The following APOOL variants were observed in gnomAD, a reference collection of about 807,000 sequenced individuals.
APOOL encodes MICOS complex subunit MIC27.
Under a neutral mutation model 23.1 loss-of-function variants are expected in APOOL, and 12 were observed. The observed-to-expected ratio is 0.52, with a 90% CI of 0.33 to 0.84. APOOL has a LOEUF of 0.84. Ranked by LOEUF, APOOL falls within the 40% of genes least tolerant of loss-of-function variation. APOOL has a pLI of 0.02. For synonymous variants in APOOL, 77 were observed against 69.9 expected, an observed-to-expected ratio of 1.10 and a Z score of -0.51; for missense variants, 212 against 199.6, an observed-to-expected ratio of 1.06 and a Z score of -0.37.
At chrX:85,054,291 T>C in intron 3 of APOOL, 53 bp from the exon 4 acceptor site, 1 of 1,090,045 alleles carries the variant, frequency 9.2e-7, no homozygotes, top group Non-Finnish European at 1.2e-6. Context: ...TTTTATCTCA[T>C]TATCAACAGC....
In APOOL at chrX:85,040,708, T is replaced by C. The variant is rs182148991; in HGVS notation, c.16-5738T>C. ...GTACTTCTGATTATATTATGAAATT[T>C]TTACAGTACATTTTTTCGGTTCTTT... On this transcript the variant is annotated intron_variant, in intron 1 of 8. Coordinates refer to ENST00000373173, the MANE Select transcript of APOOL (RefSeq NM_198450.6). Among the ~76,000 whole-genome samples the C allele has an allele frequency of 5.9e-3, 664 of 112,169 alleles. 5 individuals are homozygous for C. Among genetic ancestry groups the C allele is most frequent in the African/African-American group, 0.02 (628 of 30,928 alleles).
intron 5 of APOOL, among the ~76,000 whole-genome samples, chrX:85,057,530 G>A (rs1454790816): frequency 9.6e-6 from 1 of 104,580 alleles, no homozygotes; most frequent in African/African-American, 3.4e-5. Context: ...ATATATGAGA[G>A]GATGCTAGAA....
intron 5 of APOOL, among the ~76,000 whole-genome samples, chrX:85,060,169 TCA>T (rs1225766309): frequency 9.3e-6 from 1 of 107,196 alleles, no homozygotes. Context: ...CTCAGGTTTG[TCA>T]AAGATCAGAT....
chrX:85,013,800 T>G (rs1921369493), intron 1 of APOOL, among the ~76,000 whole-genome samples: 1 of 111,871 alleles, frequency 8.9e-6, no homozygotes, highest in Non-Finnish European at 1.9e-5. Flanking sequence ...TCTGCAGTTT[T>G]GGGGTAATAA....
At chrX:85,042,145 A>G (rs887298787) in intron 1 of APOOL, among the ~76,000 whole-genome samples, 3 of 112,172 alleles carry the variant, frequency 2.7e-5, no homozygotes, top group African/African-American at 9.7e-5. Context: ...GAAGAAAATA[A>G]TACAAAAGAT....
chrX:85,058,614 G>A (rs948565280), intron 5 of APOOL, among the ~76,000 whole-genome samples: 8 of 111,346 alleles, frequency 7.2e-5, no homozygotes, highest in African/African-American at 2.6e-4. Flanking sequence ...TGGGTCAAAT[G>A]GTATTTCCGG....
chrX:85,085,209 A>C (rs1173738140), intron 8 of APOOL, among the ~76,000 whole-genome samples: 3 of 112,002 alleles, frequency 2.7e-5, no homozygotes, highest in African/African-American at 9.8e-5. Flanking sequence ...ACTATAATGT[A>C]ATAAGATATC....
At chrX:85,017,496 T>C (rs1456808860) in intron 1 of APOOL, among the ~76,000 whole-genome samples, 3 of 111,776 alleles carry the variant, frequency 2.7e-5, no homozygotes, top group African/African-American at 6.5e-5. Flanking sequence ...GTGATTCCTA[T>C]GCTCGTATTT....
chrX:85,020,454 A>C (rs1921624746), intron 1 of APOOL, among the ~76,000 whole-genome samples: 1 of 111,490 alleles, frequency 9.0e-6, no homozygotes, highest in Non-Finnish European at 1.9e-5. Flanking sequence ...GGCTTGTCTC[A>C]GTAAAACACA....
At chrX:85,054,938 A>C (rs1317298412) in intron 4 of APOOL, among the ~76,000 whole-genome samples, 2 of 111,954 alleles carry the variant, frequency 1.8e-5, no homozygotes, top group African/African-American at 6.5e-5. Flanking sequence ...ACCCTGGAAT[A>C]TTTAAGCTAA....
intron 8 of APOOL, among the ~76,000 whole-genome samples, chrX:85,080,689 G>A (rs1374417499): frequency 9.0e-6 from 1 of 111,004 alleles, no homozygotes; most frequent in Non-Finnish European, 1.9e-5. Context: ...TTGACAGTGG[G>A]GTGTTAAAGT....
In APOOL at chrX:85,092,592, T is replaced by G; in HGVS notation, c.*4914T>G. The G allele has an allele frequency of 8.6e-7, 1 of 1,165,739 alleles. No homozygotes were observed. Among genetic ancestry groups the G allele is most frequent in the African/African-American group, 1.8e-5 (1 of 56,757 alleles). On this transcript the variant is annotated 3_prime_UTR_variant, in exon 9 of 9. Coordinates refer to ENST00000373173, the MANE Select transcript of APOOL (RefSeq NM_198450.6). Reference sequence around the variant, plus strand: ...TAAAAACAAACAAGCAAATATTACTTTCATTTGAAAGTATAATCTTCGTTA... The same window carrying G: ...TAAAAACAAACAAGCAAATATTACTGTCATTTGAAAGTATAATCTTCGTTA...
At chrX:85,036,175 A>T (rs961014181) in intron 1 of APOOL, among the ~76,000 whole-genome samples, 3 of 111,715 alleles carry the variant, frequency 2.7e-5, no homozygotes, top group African/African-American at 9.8e-5. Context: ...TATAGTTCTG[A>T]TTGTAGAGAT....
chrX:85,019,075 A>G (rs1921571941), intron 1 of APOOL, among the ~76,000 whole-genome samples: 1 of 110,842 alleles, frequency 9.0e-6, no homozygotes, highest in South Asian at 3.9e-4. Context: ...ATGGGGGGAT[A>G]TTCTAGCCAA....
At chrX:85,082,995 A>C (rs930902272) in intron 8 of APOOL, among the ~76,000 whole-genome samples, 12 of 111,524 alleles carry the variant, frequency 1.1e-4, no homozygotes, top group African/African-American at 3.6e-4. Context: ...TGGGAGTGCC[A>C]TAGGTGAACT....
At chrX:85,057,750 T>A in intron 5 of APOOL, among the ~76,000 whole-genome samples, 1 of 109,313 alleles carries the variant, frequency 9.1e-6, no homozygotes, top group East Asian at 2.9e-4. Flanking sequence ...TTTCTTATTA[T>A]AGTAGGTAAG....
In APOOL at chrX:85,092,006, A is replaced by G. The variant is rs1403465955; in HGVS notation, c.*4328A>G. 1 of 124,820 alleles carries G rather than the reference A, an allele frequency of 8.0e-6. No homozygotes were observed. The highest frequency in any genetic ancestry group is 1.6e-5 in the Non-Finnish European group (1 of 61,610). 10.3% of individuals were successfully genotyped at this position (124,820 alleles called of 1,213,427 possible). On this transcript the variant is annotated 3_prime_UTR_variant, in exon 9 of 9. Transcript: ENST00000373173. ...TTGAGACCAGCCTGAGCAACATAGC[A>G]AGATCCTGCCTCTAAAAACAAACAA...
At chrX:85,064,308 T>G (rs1413109137) in intron 5 of APOOL, among the ~76,000 whole-genome samples, 1 of 108,625 alleles carries the variant, frequency 9.2e-6, no homozygotes, top group Non-Finnish European at 1.9e-5. Flanking sequence ...ATTGTTGTTG[T>G]TTTTTGTTTT....
At chrX:85,087,495 A>G in intron 8 of APOOL, 95 bp from the exon 9 acceptor site, 1 of 717,256 alleles carries the variant, frequency 1.4e-6, no homozygotes, top group Non-Finnish European at 2.1e-6. Context: ...GTGTCACTAG[A>G]GATTTTTATC....
Sources: gnomAD v4.1 joint callset for allele counts (sites outside exome capture counted in the v4.1 genomes callset) on GRCh38, gnomAD v4.1.1 for gene constraint, MANE v1.5 for transcripts, NCBI Gene and HGNC (gene_info 2026-07-23, HGNC 2026-07-21) for gene names.